The following ZNF600 variants were observed in gnomAD, a reference collection of about 807,000 sequenced individuals.
ZNF600 encodes the protein zinc finger protein KR-ZNF1.
A neutral mutation model predicts 7.3 loss-of-function variants in ZNF600; 4 were observed. The observed-to-expected ratio is 0.55, with a 90% CI of 0.27 to 1.25. ZNF600 has a LOEUF of 1.25. ZNF600 is among the 50% of genes most tolerant of loss of function. The pLI is 0.12. For missense variants in ZNF600, 911 were observed against 922.1 expected (o/e 0.99, Z 0.16); for synonymous variants, 290 against 308.9 (o/e 0.94, Z 0.64).
chr19:52,815,234 G>C, the ZNF600 span, among the ~76,000 whole-genome samples: 2 of 145,150 alleles, frequency 1.4e-5, no homozygotes, highest in African/African-American at 2.7e-5. Context: ...TAACTATTGG[G>C]CCCGGGCACA....
chr19:52,799,060 GT>G, the ZNF600 span: 1 of 495,182 alleles, frequency 2.0e-6, no homozygotes, highest in Non-Finnish European at 3.7e-6. Context: ...CTTTCAAGCT[GT>G]GATTTGTGAC....
At chr19:52,810,993 G>T in the ZNF600 span, among the ~76,000 whole-genome samples, 4 of 138,310 alleles carry the variant, frequency 2.9e-5, no homozygotes, top group Non-Finnish European at 6.3e-5. Context: ...CTCCCTGCCT[G>T]ATTCTCCTGC....
At chr19:52,818,353 G>T in the ZNF600 span, among the ~76,000 whole-genome samples, 7 of 152,162 alleles carry the variant, frequency 4.6e-5, no homozygotes, top group Non-Finnish European at 1.0e-4. Context: ...GAGGTGGAAG[G>T]ATCACTTGAG....
the ZNF600 span, chr19:52,810,560 G>A: frequency 6.3e-7 from 1 of 1,594,418 alleles, no homozygotes; most frequent in Non-Finnish European, 8.6e-7. Context: ...CAGCACAACA[G>A]ACCGGGGTCT....
At chr19:52,829,208 A>C in the ZNF600 span, among the ~76,000 whole-genome samples, 2 of 45,242 alleles carry the variant, frequency 4.4e-5, no homozygotes, top group Middle Eastern at 0.03. Context: ...ATTTTATTTT[A>C]TTTTATTTTA....
intron 2 of ZNF600, among the ~76,000 whole-genome samples, chr19:52,777,176 C>CGT (rs2062682750): frequency 1.3e-5 from 2 of 151,704 alleles, no homozygotes; most frequent in African/African-American, 4.8e-5. Flanking sequence ...GTCAGGAGTT[C>CGT]GACCAGCCTG....
chr19:52,813,605 G>A, the ZNF600 span, among the ~76,000 whole-genome samples: 2 of 145,322 alleles, frequency 1.4e-5, no homozygotes, highest in African/African-American at 5.4e-5. Flanking sequence ...TGTCCCTCCA[G>A]GTCTACCACC....
exon 4 of ZNF600, chr19:52,766,837 A>G: frequency 6.2e-7 from 1 of 1,614,162 alleles, no homozygotes; most frequent in Non-Finnish European, 8.5e-7. Context: ...ACTTTGTCAC[A>G]TTCTTCACAT....
chr19:52,766,070 G>T, exon 4 of ZNF600: 1 of 1,613,984 alleles, frequency 6.2e-7, no homozygotes, highest in East Asian at 2.2e-5. Context: ...TGTGACTGAA[G>T]GTCTTGCCAC....
At chr19:52,787,969 A>G (rs1306822412), upstream of ZNF600, among the ~76,000 whole-genome samples, 1 of 152,138 alleles carries the variant, frequency 6.6e-6, no homozygotes, top group African/African-American at 2.4e-5. Context: ...ACATTAATGT[A>G]TGACTTTCAT....
chr19:52,823,158 C>CT, the ZNF600 span, among the ~76,000 whole-genome samples: 3 of 152,152 alleles, frequency 2.0e-5, no homozygotes, highest in East Asian at 1.9e-4. Flanking sequence ...TACAGGTAAA[C>CT]TTTTTTTAAA....
At chr19:52,795,134 C>A in the ZNF600 span, among the ~76,000 whole-genome samples, 1 of 152,152 alleles carries the variant, frequency 6.6e-6, no homozygotes, top group Non-Finnish European at 1.5e-5. Flanking sequence ...CCAGCCCATC[C>A]TTCAACATCT....
the ZNF600 span, among the ~76,000 whole-genome samples, chr19:52,802,474 GT>G: frequency 6.6e-6 from 1 of 152,136 alleles, no homozygotes; most frequent in South Asian, 2.1e-4. Flanking sequence ...CACGTCAGGA[GT>G]TTGACCAGCC....
At chr19:52,815,312 T>G in the ZNF600 span, among the ~76,000 whole-genome samples, 2 of 142,472 alleles carry the variant, frequency 1.4e-5, no homozygotes, top group African/African-American at 2.8e-5. Flanking sequence ...AGACAGGAGT[T>G]CAACATCAGC....
the ZNF600 span, among the ~76,000 whole-genome samples, chr19:52,833,034 G>C: frequency 6.6e-6 from 1 of 152,162 alleles, no homozygotes; most frequent in Non-Finnish European, 1.5e-5. Flanking sequence ...GGCTCCCAAA[G>C]TGCTGGGATT....
intron 3 of ZNF600, among the ~76,000 whole-genome samples, chr19:52,768,307 C>T (rs978101022): frequency 2.6e-5 from 4 of 151,154 alleles, no homozygotes; most frequent in Admixed American, 2.6e-4. Flanking sequence ...GGTGTGCTGG[C>T]CCGTGCCTGA....
the ZNF600 span, among the ~76,000 whole-genome samples, chr19:52,792,884 C>T: frequency 7.9e-5 from 12 of 151,862 alleles, no homozygotes; most frequent in Non-Finnish European, 1.2e-4. Flanking sequence ...AGGTGCCCAC[C>T]GCCACGCCCA....
At chr19:52,778,158 C>T (rs187676322) in intron 2 of ZNF600, among the ~76,000 whole-genome samples, 1 of 152,152 alleles carries the variant, frequency 6.6e-6, no homozygotes, top group Admixed American at 6.5e-5. Flanking sequence ...AGATTACAGG[C>T]ATGCACCACC....
chr19:52,831,814 A>G, the ZNF600 span, among the ~76,000 whole-genome samples: 1 of 151,886 alleles, frequency 6.6e-6, no homozygotes, highest in Non-Finnish European at 1.5e-5. Context: ...TAAATTTTGT[A>G]TTTTTAGTAG....
Sources: allele counts gnomAD v4.1 joint callset (sites outside exome capture counted in the v4.1 genomes callset), GRCh38; gene constraint gnomAD v4.1.1; transcripts MANE v1.5; gene names NCBI Gene and HGNC (gene_info 2026-07-23, HGNC 2026-07-21).